The following VAT1L variants were observed in gnomAD, a reference collection of about 807,000 sequenced individuals.
VAT1L encodes putative NADPH-dependent quinone oxidoreductase VAT1L.
Under a neutral mutation model 44.1 loss-of-function variants are expected in VAT1L, and 34 were observed. That is an observed-to-expected ratio of 0.77 (90% CI 0.59 to 1.03). The LOEUF (loss-of-function observed/expected upper bound fraction) is 1.03, where lower values mean the gene tolerates loss of function less well. Ranked by LOEUF, VAT1L falls within the 50% of genes least tolerant of loss-of-function variation. The probability of loss-of-function intolerance (pLI) is 0.00; values close to 1 mark genes in which losing one functional copy is unlikely to be tolerated. For synonymous variants in VAT1L, 253 were observed against 202.2 expected (o/e 1.25, Z -2.13); for missense variants, 615 against 538.8 (o/e 1.14, Z -1.40).
intron 7 of VAT1L, among the ~76,000 whole-genome samples, chr16:77,947,742 T>G (rs553211136): frequency 1.3e-5 from 2 of 152,310 alleles, no homozygotes; most frequent in African/African-American, 4.8e-5. Flanking sequence ...CAGTTTCTCT[T>G]CCTGAAAAAT....
chr16:77,932,036 A>T (rs1487108561), intron 7 of VAT1L, among the ~76,000 whole-genome samples: 2 of 151,752 alleles, frequency 1.3e-5, no homozygotes, highest in Admixed American at 6.6e-5. Context: ...AGTTCATGGG[A>T]ATGTTTGGAT....
chr16:77,973,968 C>T (rs549755798), intron 8 of VAT1L, among the ~76,000 whole-genome samples: 4 of 152,282 alleles, frequency 2.6e-5, no homozygotes, highest in Non-Finnish European at 5.9e-5. Context: ...CCGCCCACCT[C>T]GGCCTCCCAA....
At chr16:77,911,791 T>C (rs2017502365) in intron 7 of VAT1L, among the ~76,000 whole-genome samples, 1 of 151,926 alleles carries the variant, frequency 6.6e-6, no homozygotes, top group African/African-American at 2.4e-5. Context: ...GGGAGTGGGG[T>C]CAGCTGTCCT....
At chr16:77,893,547 G>A (rs1361082601) in intron 7 of VAT1L, among the ~76,000 whole-genome samples, 1 of 152,214 alleles carries the variant, frequency 6.6e-6, no homozygotes, top group African/African-American at 2.4e-5. Context: ...ACATTCAGGT[G>A]AGAGAAGGCT....
At position 77,929,358 on chromosome 16, in the gene VAT1L, C is replaced by T. The variant is rs148330386; in HGVS notation, c.1078-42492C>T. ...CTGGTAGAAAGAGGAGTTATATGAGCCCTCTGTGCATGTGTTTTTAGGTAC... is the reference window on the plus strand; with the variant it reads ...CTGGTAGAAAGAGGAGTTATATGAGTCCTCTGTGCATGTGTTTTTAGGTAC... On this transcript the variant is annotated intron_variant, in intron 7 of 8. Coordinates refer to ENST00000302536, the MANE Select transcript of VAT1L (RefSeq NM_020927.3). Among the ~76,000 whole-genome samples the T allele has an allele frequency of 4.5e-4, 69 of 152,258 alleles. 1 individual carries two copies. The East Asian group carries it at 0.012, about 27-fold the overall frequency.
chr16:77,929,460 C>G (rs2017704428), intron 7 of VAT1L, among the ~76,000 whole-genome samples: 1 of 152,076 alleles, frequency 6.6e-6, no homozygotes, highest in Admixed American at 6.6e-5. Context: ...ATAAATAAAG[C>G]CTTATTAGCA....
chr16:77,863,280 C>G (rs918992088), intron 4 of VAT1L, among the ~76,000 whole-genome samples: 1 of 152,186 alleles, frequency 6.6e-6, no homozygotes, highest in African/African-American at 2.4e-5. Flanking sequence ...TGTCTTGGGT[C>G]TAAAGGTCCT....
chr16:77,902,329 T>A (rs958733378), intron 7 of VAT1L, among the ~76,000 whole-genome samples: 5 of 152,252 alleles, frequency 3.3e-5, no homozygotes, highest in African/African-American at 7.2e-5. Context: ...TGGGGTTTTT[T>A]ATATAATTTA....
intron 2 of VAT1L, among the ~76,000 whole-genome samples, chr16:77,817,256 G>T (rs1400906737): frequency 6.6e-6 from 1 of 152,122 alleles, no homozygotes; most frequent in Non-Finnish European, 1.5e-5. Context: ...CAGCATTCTG[G>T]TGCAGGGGGC....
chr16:77,805,865 C>CTTTTTTTTTTTTTTTTCTTTTTTTTTTTT (rs10689119), intron 1 of VAT1L, among the ~76,000 whole-genome samples: 1 of 78,838 alleles, frequency 1.3e-5, no homozygotes, highest in Non-Finnish European at 2.8e-5. Context: ...TAGTCTCTGC[C>CTTTTTTTTTTTTTTTTCTTTTTTTTTTTT]TTTTTTTTTT....
chr16:77,932,351 C>T (rs776101191), intron 7 of VAT1L, among the ~76,000 whole-genome samples: 21 of 151,986 alleles, frequency 1.4e-4, no homozygotes, highest in Admixed American at 3.9e-4. Context: ...ATGATCCTCC[C>T]GCCTTGGCCT....
chr16:77,937,538 G>A (rs2017817107), intron 7 of VAT1L, among the ~76,000 whole-genome samples: 1 of 152,136 alleles, frequency 6.6e-6, no homozygotes, highest in Non-Finnish European at 1.5e-5. Flanking sequence ...TTTACTATTT[G>A]CTCTTTCTGG....
intron 7 of VAT1L, among the ~76,000 whole-genome samples, chr16:77,944,262 G>T (rs1231722117): frequency 1.3e-5 from 2 of 152,052 alleles, no homozygotes; most frequent in Non-Finnish European, 2.9e-5. Context: ...AGTGAGCTTG[G>T]TCCCTCTAAA....
At chr16:77,964,364 G>T (rs1337798368) in intron 7 of VAT1L, among the ~76,000 whole-genome samples, 28 of 152,192 alleles carry the variant, frequency 1.8e-4, no homozygotes, top group Non-Finnish European at 4.4e-5. Context: ...CCCTAAGGGA[G>T]AATTTATTTC....
At chr16:77,880,591 A>ATTTTTTTTTTTTTTTTTTTTTT (rs55995217) in intron 6 of VAT1L, among the ~76,000 whole-genome samples, 1 of 54,260 alleles carries the variant, frequency 1.8e-5, no homozygotes, top group African/African-American at 7.6e-5. Flanking sequence ...GTTCCAGGGT[A>ATTTTTTTTTTTTTTTTTTTTTT]TTTTTTTTTT....
rs370285811 is a variant in VAT1L at position 77,969,647 on chromosome 16, T to C, written c.1078-2203T>C. 1.1e-4 allele frequency among the ~76,000 whole-genome samples: 16 copies of C among 152,170 alleles called. 1 individual carries two copies. Among genetic ancestry groups the C allele is most frequent in the African/African-American group, 3.9e-4 (16 of 41,524 alleles). On this transcript the variant is annotated intron_variant, in intron 7 of 8. Coordinates refer to ENST00000302536, the MANE Select transcript of VAT1L (RefSeq NM_020927.3). Reference sequence around the variant, plus strand: ...CTTTATTACCTAATTTTGGAAGTGATGTATCATCACTTTTGCTCTATTCTG... The same window carrying C: ...CTTTATTACCTAATTTTGGAAGTGACGTATCATCACTTTTGCTCTATTCTG...
chr16:77,846,046 A>G (rs1189825139), intron 3 of VAT1L, among the ~76,000 whole-genome samples: 2 of 152,172 alleles, frequency 1.3e-5, no homozygotes, highest in African/African-American at 4.8e-5. Context: ...CTTCCACCAC[A>G]TATCACAGGG....
At chr16:77,791,537 C>G (rs1444866783) in intron 1 of VAT1L, among the ~76,000 whole-genome samples, 1 of 152,090 alleles carries the variant, frequency 6.6e-6, no homozygotes, top group African/African-American at 2.4e-5. Flanking sequence ...GAGTAATTTG[C>G]CAAAAACATC....
In VAT1L at chr16:77,921,458, C is replaced by T. The variant is rs111242043; in HGVS notation, c.1077+36656C>T. ...CATCCAGTGGGAGAGAAAACTATTT[C>T]TCTTGAGAAATGTGTTTGTTCTGAT... On this transcript the variant is annotated intron_variant, in intron 7 of 8. Coordinates refer to ENST00000302536, the MANE Select transcript of VAT1L (RefSeq NM_020927.3). 9.5e-3 allele frequency among the ~76,000 whole-genome samples: 1,452 copies of T among 152,258 alleles called. 30 individuals carry two copies. Among genetic ancestry groups the T allele is most frequent in the African/African-American group, 0.033 (1,391 of 41,536 alleles).
Sources: gnomAD v4.1 joint callset for allele counts (sites outside exome capture counted in the v4.1 genomes callset) on GRCh38, gnomAD v4.1.1 for gene constraint, MANE v1.5 for transcripts, NCBI Gene and HGNC (gene_info 2026-07-23, HGNC 2026-07-21) for gene names.